Variants in CABCOCO1 observed in about 807,000 individuals in gnomAD.
CABCOCO1 encodes the protein ciliary associated calcium binding coiled-coil 1.
Under a neutral mutation model 35.7 loss-of-function variants are expected in CABCOCO1, and 28 were observed. That is an observed-to-expected ratio of 0.78 (90% CI 0.58 to 1.07). The LOEUF (loss-of-function observed/expected upper bound fraction) is 1.07. CABCOCO1 is among the 50% of genes least tolerant of loss of function. The probability of loss-of-function intolerance (pLI) is 0.00; values close to 1 mark genes in which losing one functional copy is unlikely to be tolerated. For missense variants in CABCOCO1, 326 were observed against 309.2 expected (o/e 1.05, Z -0.41); for synonymous variants, 95 against 100.1 (o/e 0.95, Z 0.30).
chr10:61,678,789 C>T (rs1325737229), intron 2 of CABCOCO1, among the ~76,000 whole-genome samples: 1 of 152,014 alleles, frequency 6.6e-6, no homozygotes, highest in Non-Finnish European at 1.5e-5. Flanking sequence ...GGAGCAGGCC[C>T]ATCATAGAAC....
At chr10:61,710,499 C>T (rs1840708037) in intron 5 of CABCOCO1, among the ~76,000 whole-genome samples, 1 of 151,808 alleles carries the variant, frequency 6.6e-6, no homozygotes, top group African/African-American at 2.4e-5. Context: ...GTTAATAAGG[C>T]ATAAAATTTA....
At position 61,681,262 on chromosome 10, in the gene CABCOCO1, A is replaced by G. The variant is rs760513956; in HGVS notation, c.284A>G (p.Gln95Arg). 2 of 1,571,490 alleles carry G rather than the reference A, an allele frequency of 1.3e-6. No homozygotes were observed. Among genetic ancestry groups the G allele is most frequent in the Non-Finnish European group, 1.7e-6 (2 of 1,151,380 alleles). The change falls in exon 3 of 8, where the codon CAG (glutamine) becomes CGG (arginine). Residue 95 changes from glutamine (Q) to arginine (R), a missense_variant. Physicochemically the swap from Gln to Arg is conservative, Grantham distance 43. Coordinates refer to ENST00000648843, the MANE Select transcript of CABCOCO1 (RefSeq NM_001366906.2). ...AGAGGAATGGATTTCTCTATTATTC[A>G]GTATTCAAAATTTATGACTTTACTA... ...WARGMDFSIIQYSKFMTLLAM... is the reference protein window; with the variant it reads ...WARGMDFSIIRYSKFMTLLAM...
At chr10:61,736,265 T>C (rs1841413789) in intron 5 of CABCOCO1, among the ~76,000 whole-genome samples, 1 of 152,140 alleles carries the variant, frequency 6.6e-6, no homozygotes, top group Non-Finnish European at 1.5e-5. Flanking sequence ...AAGATTCCTA[T>C]AGTTTTGGGT....
intron 5 of CABCOCO1, among the ~76,000 whole-genome samples, chr10:61,709,257 A>G (rs1321374586): frequency 6.6e-6 from 1 of 152,138 alleles, no homozygotes; most frequent in Non-Finnish European, 1.5e-5. Flanking sequence ...AATCCTTTTT[A>G]ATGGGATACA....
intron 2 of CABCOCO1, among the ~76,000 whole-genome samples, chr10:61,679,242 TAAGG>T (rs1167775178): frequency 6.6e-6 from 1 of 151,934 alleles, no homozygotes; most frequent in East Asian, 1.9e-4. Context: ...GGAGAAAATA[TAAGG>T]AAGGATGCTC....
Position 61,766,131 on chromosome 10 carries a change from C to T in CABCOCO1, c.*118C>T, listed in dbSNP as rs1183420844. On this transcript the variant is annotated 3_prime_UTR_variant, in exon 8 of 8. Transcript: ENST00000648843. Reference sequence around the variant, plus strand: ...CTTAGTTGTGAAAGGAAAACCAAGCCCCACTTTTTATTTTCCTAAGTAATT... The same window carrying T: ...CTTAGTTGTGAAAGGAAAACCAAGCTCCACTTTTTATTTTCCTAAGTAATT... 1.5e-5 allele frequency: 14 copies of T among 917,292 alleles called. 1 individual carries two copies. The South Asian group carries it at 2.1e-4, about 14-fold the overall frequency. The allele number at this position is 917,292 out of a possible 1,614,324, so 56.8% of individuals were successfully genotyped here.
At chr10:61,691,405 C>G (rs773280458) in intron 5 of CABCOCO1, among the ~76,000 whole-genome samples, 2 of 152,148 alleles carry the variant, frequency 1.3e-5, no homozygotes, top group African/African-American at 4.8e-5. Flanking sequence ...TCTGGAGACA[C>G]TTTCAAACAA....
intron 3 of CABCOCO1, among the ~76,000 whole-genome samples, chr10:61,684,142 T>G (rs1346718778): frequency 1.3e-5 from 2 of 152,174 alleles, no homozygotes; most frequent in Non-Finnish European, 2.9e-5. Flanking sequence ...ATAATTGAAT[T>G]CCACTTAGAA....
intron 5 of CABCOCO1, among the ~76,000 whole-genome samples, chr10:61,706,902 G>A (rs924716298): frequency 1.3e-5 from 2 of 152,106 alleles, no homozygotes; most frequent in African/African-American, 4.8e-5. Flanking sequence ...AATCACCCGA[G>A]GGATAATAAC....
intron 4 of CABCOCO1, 44 bp from the exon 5 acceptor site, chr10:61,690,504 TC>T (rs1840103436): frequency 7.5e-7 from 1 of 1,341,670 alleles, no homozygotes; most frequent in Non-Finnish European, 1.1e-6. Flanking sequence ...GTGTTTTTTT[TC>T]CTGAAATCAA....
intron 5 of CABCOCO1, among the ~76,000 whole-genome samples, chr10:61,758,234 C>T (rs1349145582): frequency 6.6e-6 from 1 of 152,010 alleles, no homozygotes; most frequent in African/African-American, 2.4e-5. Context: ...CATCATCTTC[C>T]CTTGTCTCTG....
In CABCOCO1 at chr10:61,672,721, C is replaced by T. The variant is rs1451988454; in HGVS notation, c.150C>T (p.Ile50=). The T allele has an allele frequency of 1.4e-5, 14 of 985,156 alleles. 1 individual carries two copies. The South Asian group carries it at 1.9e-4, about 13-fold the overall frequency. 61.0% of individuals were successfully genotyped at this position (985,156 alleles called of 1,614,324 possible). The change falls in exon 2 of 8, where the codon ATC becomes ATT. Residue 50 remains isoleucine (I), a synonymous_variant. Transcript: ENST00000648843. ...AQITDLLMED[I]DGVQEKLRIF... is the part of the protein sequence containing the mutation. ...TCACTGATTTGTTAATGGAGGACAT[C>T]GATGGAGTTCAAGAGTAAGCACTTC...
At chr10:61,677,109 T>G (rs553747112) in intron 2 of CABCOCO1, among the ~76,000 whole-genome samples, 17 of 138,930 alleles carry the variant, frequency 1.2e-4, no homozygotes, top group African/African-American at 4.4e-4. Flanking sequence ...TTCTGTTAGA[T>G]TAGTAGATGT....
Position 61,686,029 on chromosome 10 carries a change from A to T in CABCOCO1, c.335-12A>T. ...AAAATAATAATTAAGATTTCTCTGG[A>T]TTTTATTTCAGCACTACATATGTCC... On this transcript the variant is annotated splice_polypyrimidine_tract_variant and intron_variant, in intron 3 of 7. Transcript: ENST00000648843. 6.3e-7 allele frequency: 1 copy of T among 1,582,122 alleles called. No individual in the cohort carries two copies. Among genetic ancestry groups the T allele is most frequent in the African/African-American group, 1.4e-5 (1 of 72,806 alleles).
rs780830270 is a variant in CABCOCO1 at position 61,760,126 on chromosome 10, T to G, written c.620T>G (p.Phe207Cys). 6.2e-7 allele frequency: 1 copy of G among 1,612,038 alleles called. No individual in the cohort carries two copies. The highest frequency in any genetic ancestry group is 1.7e-4 in the Middle Eastern group (1 of 6,042). The change falls in exon 6 of 8, where the codon TTT becomes TGT. Residue 207 changes from phenylalanine to cysteine, a missense_variant. Coordinates refer to ENST00000648843, the MANE Select transcript of CABCOCO1 (RefSeq NM_001366906.2). ...FPNPLEEGIS[F>C]DIYSTFIEPP... ...AATCCTCTGGAAGAAGGAATCTCAT[T>G]TGATATTTATTCAACATTCATAGAG...
chr10:61,706,322 T>C (rs1840591812), intron 5 of CABCOCO1, among the ~76,000 whole-genome samples: 1 of 152,220 alleles, frequency 6.6e-6, no homozygotes, highest in Admixed American at 6.5e-5. Flanking sequence ...CAGTTCATTA[T>C]TCTTTGTTAA....
At chr10:61,699,336 T>C (rs1840379655) in intron 5 of CABCOCO1, among the ~76,000 whole-genome samples, 1 of 152,186 alleles carries the variant, frequency 6.6e-6, no homozygotes, top group Non-Finnish European at 1.5e-5. Flanking sequence ...TCAAGGAATC[T>C]GTCTCCAGCA....
rs1347078736 is a variant in CABCOCO1 at position 61,731,993 on chromosome 10, T to C, written c.553-28066T>C. Among the ~76,000 whole-genome samples, 5 of 152,110 alleles carry C rather than the reference T, an allele frequency of 3.3e-5. No individual in the cohort carries two copies. In the East Asian group the frequency reaches 7.7e-4, roughly 23 times the overall value. Reference sequence around the variant, plus strand: ...GAATCTCATAATTAAAATGTTCTGATTAACTAGATTCCAGATTTTAAAGCA... The same window carrying C: ...GAATCTCATAATTAAAATGTTCTGACTAACTAGATTCCAGATTTTAAAGCA... On this transcript the variant is annotated intron_variant, in intron 5 of 7. Transcript: ENST00000648843.
chr10:61,729,187 G>A (rs957403195), intron 5 of CABCOCO1, among the ~76,000 whole-genome samples: 2 of 152,134 alleles, frequency 1.3e-5, no homozygotes, highest in African/African-American at 4.8e-5. Context: ...CATTAACAAT[G>A]AGCAAACTTA....
Sources: gnomAD v4.1 joint callset for allele counts (sites outside exome capture counted in the v4.1 genomes callset) on GRCh38, gnomAD v4.1.1 for gene constraint, MANE v1.5 for transcripts, NCBI Gene and HGNC (gene_info 2026-07-23, HGNC 2026-07-21) for gene names.